The following TSC22D1 variants were observed in gnomAD, a reference collection of about 807,000 sequenced individuals.
The protein encoded by TSC22D1 is TSC22 domain family protein 1.
In TSC22D1, 9 loss-of-function variants were observed where a neutral mutation model predicts 74.2. That is an observed-to-expected ratio of 0.12 (90% CI 0.07 to 0.21). The LOEUF is 0.21. TSC22D1 is among the 10% of genes least tolerant of loss of function. The probability of loss-of-function intolerance (pLI) is 1.00; values close to 1 mark genes in which losing one functional copy is unlikely to be tolerated. For synonymous variants in TSC22D1, 586 were observed against 492.5 expected, an observed-to-expected ratio of 1.19 and a Z score of -2.51; for missense variants, 1,427 against 1,304.7, an observed-to-expected ratio of 1.09 and a Z score of -1.44.
chr13:44,474,667 G>A (rs1877796048), intron 1 of TSC22D1, among the ~76,000 whole-genome samples: 1 of 151,996 alleles, frequency 6.6e-6, no homozygotes, highest in African/African-American at 2.4e-5. Flanking sequence ...AGGAGAAGAG[G>A]AAGAGAAAGG....
In TSC22D1 at chr13:44,436,414, G is replaced by C. The variant is rs140529689; in HGVS notation, c.2913-319C>G. The C allele has an allele frequency of 2.0e-4, 301 of 1,475,476 alleles. 6 individuals are homozygous for C. In the East Asian group the frequency reaches 6.5e-3, roughly 32 times the overall value. The allele number at this position is 1,475,476 out of a possible 1,614,324, so 91.4% of individuals were successfully genotyped here. A position where few individuals can be genotyped will look rare whatever the true frequency, so the allele number is the denominator to read the frequency against. On this transcript the variant is annotated intron_variant, in intron 1 of 2. Coordinates refer to ENST00000458659, the MANE Select transcript of TSC22D1 (RefSeq NM_183422.4). The stretch of plus-strand genomic sequence containing the variant: ...ATGTCACCATAATCTCTCAGCAATG[G>C]ACAAAGGAATTCGCCTGGCTATCTT...
At position 44,434,665 on chromosome 13, in the gene TSC22D1, G is replaced by A. The variant is rs150675770; in HGVS notation, c.3183C>T (p.Pro1061=). The A allele has an allele frequency of 5.6e-6, 9 of 1,596,164 alleles. No individual in the cohort carries two copies. The highest frequency in any genetic ancestry group is 2.2e-5 in the East Asian group (1 of 44,768). Residue 1061 remains proline (P), a synonymous_variant, in exon 3 of 3, where the codon CCC becomes CCT. Coordinates refer to ENST00000458659, the MANE Select transcript of TSC22D1 (RefSeq NM_183422.4). ...TTQPQGTTQP[P]AQPASQGSGP... Reference sequence around the variant, plus strand: ...CTGAGCCCTGCGATGCTGGCTGGGCGGGGGGCTGTGTGGTGCCCTGTGGCT... The same window carrying A: ...CTGAGCCCTGCGATGCTGGCTGGGCAGGGGGCTGTGTGGTGCCCTGTGGCT...
intron 1 of TSC22D1, among the ~76,000 whole-genome samples, chr13:44,521,144 C>T (rs909284605): frequency 6.6e-6 from 1 of 152,132 alleles, no homozygotes; most frequent in Admixed American, 6.5e-5. Flanking sequence ...CTAGAGCACC[C>T]ATATTGTCAA....
At chr13:44,441,211 G>A (rs896643463) in intron 1 of TSC22D1, among the ~76,000 whole-genome samples, 7 of 152,198 alleles carry the variant, frequency 4.6e-5, no homozygotes, top group Admixed American at 6.6e-5. Context: ...TCTGTACCTG[G>A]TCTGCAATGG....
At chr13:44,538,949 A>T (rs1881306797) in intron 1 of TSC22D1, 1 of 985,322 alleles carries the variant, frequency 1.0e-6, no homozygotes, top group South Asian at 4.7e-5. Context: ...GAGTCACAGA[A>T]GGAATCCACC....
In TSC22D1 at chr13:44,562,437, G is replaced by A. The variant is rs577600147; in HGVS notation, c.2912+10726C>T. Among the ~76,000 whole-genome samples the A allele has an allele frequency of 8.4e-4, 128 of 152,262 alleles. 1 individual carries two copies. Among genetic ancestry groups the A allele is most frequent in the African/African-American group, 2.7e-3 (114 of 41,540 alleles). On this transcript the variant is annotated intron_variant, in intron 1 of 2. Transcript: ENST00000458659. ...TGCAAAAGGGCACCAACAAAGAACC[G>A]AATAAACATTAGTATTGTGGCTCTT...
intron 1 of TSC22D1, among the ~76,000 whole-genome samples, chr13:44,490,358 G>GA (rs1878641775): frequency 7.4e-6 from 1 of 136,008 alleles, no homozygotes. Context: ...AGAATGCTAA[G>GA]TTTTTTTTTT....
intron 1 of TSC22D1, among the ~76,000 whole-genome samples, chr13:44,560,257 T>A (rs896741611): frequency 2.0e-5 from 3 of 152,042 alleles, no homozygotes; most frequent in Non-Finnish European, 4.4e-5. Flanking sequence ...TGGTGAAACC[T>A]CGTCTCTTTT....
intron 1 of TSC22D1, chr13:44,538,716 A>T (rs1252014099): frequency 1.0e-6 from 1 of 985,296 alleles, no homozygotes; most frequent in Non-Finnish European, 1.2e-6. Context: ...TATAAATGAC[A>T]AGATCAGGTG....
At chr13:44,437,295 A>G in intron 1 of TSC22D1, 1 of 980,334 alleles carries the variant, frequency 1.0e-6, no homozygotes, top group South Asian at 4.7e-5. Flanking sequence ...CCACCACTGT[A>G]AGACTTCGAG....
At chr13:44,462,446 T>A (rs1461471745) in intron 1 of TSC22D1, among the ~76,000 whole-genome samples, 1 of 152,202 alleles carries the variant, frequency 6.6e-6, no homozygotes, top group Non-Finnish European at 1.5e-5. Context: ...GATATATTTC[T>A]AATAAGCCTC....
intron 1 of TSC22D1, among the ~76,000 whole-genome samples, chr13:44,454,064 T>C (rs1401154847): frequency 1.3e-5 from 2 of 152,200 alleles, no homozygotes; most frequent in Non-Finnish European, 2.9e-5. Context: ...TGACAAAGCA[T>C]AAGTTCCATC....
chr13:44,559,466 C>T (rs896294930), intron 1 of TSC22D1, among the ~76,000 whole-genome samples: 1 of 152,224 alleles, frequency 6.6e-6, no homozygotes, highest in Non-Finnish European at 1.5e-5. Context: ...GGAAGATGTA[C>T]TGGTCATTGT....
intron 1 of TSC22D1, among the ~76,000 whole-genome samples, chr13:44,449,690 T>TTA (rs1875968114): frequency 8.1e-6 from 1 of 123,210 alleles, no homozygotes. Context: ...GCGATGAAAA[T>TTA]AATAAAGTGC....
At chr13:44,561,048 A>G (rs2138196732) in intron 1 of TSC22D1, among the ~76,000 whole-genome samples, 1 of 152,286 alleles carries the variant, frequency 6.6e-6, no homozygotes, top group Non-Finnish European at 1.5e-5. Context: ...CTATGCAAAA[A>G]TACCCCCCGG....
rs1566159610 is a variant in TSC22D1, at chr13:44,536,953, A to AC, written c.2912+36209_2912+36210insG. 7.0e-4 allele frequency: 608 copies of AC among 873,996 alleles called. 9 individuals carry two copies. Among genetic ancestry groups the AC allele is most frequent in the Middle Eastern group, 1.2e-3 (2 of 1,672 alleles). 54.1% of individuals were successfully genotyped at this position (873,996 alleles called of 1,614,324 possible). A position where few individuals can be genotyped will look rare whatever the true frequency, so the allele number is the denominator to read the frequency against. The stretch of plus-strand genomic sequence containing the variant: ...AAAAAAAAAAAAAAAAAAAAAAAAA[A>AC]AAAAAACAAAAAAAACTAACACACA... On this transcript the variant is annotated intron_variant, in intron 1 of 2. Coordinates refer to ENST00000458659, the MANE Select transcript of TSC22D1 (RefSeq NM_183422.4).
chr13:44,535,040 T>G (rs924933217), intron 1 of TSC22D1, among the ~76,000 whole-genome samples: 5 of 152,310 alleles, frequency 3.3e-5, no homozygotes, highest in Middle Eastern at 3.4e-3. Context: ...TCTGTGGACA[T>G]GTTTCTAAAT....
intron 1 of TSC22D1, among the ~76,000 whole-genome samples, chr13:44,547,464 CCA>C (rs1566166753): frequency 6.6e-6 from 1 of 152,116 alleles, no homozygotes; most frequent in African/African-American, 2.4e-5. Context: ...GAAATTAACT[CCA>C]GACTACAGCA....
chr13:44,483,084 T>C (rs948567310), intron 1 of TSC22D1, among the ~76,000 whole-genome samples: 1 of 152,244 alleles, frequency 6.6e-6, no homozygotes, highest in African/African-American at 2.4e-5. Flanking sequence ...CTACATTATT[T>C]AGATATAGGT....
Sources: gnomAD v4.1 joint callset for allele counts (sites outside exome capture counted in the v4.1 genomes callset) on GRCh38, gnomAD v4.1.1 for gene constraint, MANE v1.5 for transcripts, NCBI Gene and HGNC (gene_info 2026-07-23, HGNC 2026-07-21) for gene names.